The following MGST1 variants were observed in gnomAD, a reference collection of about 807,000 sequenced individuals.
The protein encoded by MGST1 is microsomal glutathione S-transferase 1.
Under a neutral mutation model 8.9 loss-of-function variants are expected in MGST1, and 5 were observed. The observed-to-expected ratio is 0.56, with a 90% CI of 0.29 to 1.19. The LOEUF is 1.19. Ranked by LOEUF, MGST1 falls within the 50% of genes most tolerant of loss-of-function variation. The pLI, the probability that MGST1 is intolerant of heterozygous loss-of-function variation, is 0.08. For missense variants in MGST1, 182 were observed against 187.4 expected (o/e 0.97, Z 0.17); for synonymous variants, 54 against 67.8 (o/e 0.80, Z 1.00).
chr12:16,518,326 G>A (rs1941627326), intron 4 of MGST1, among the ~76,000 whole-genome samples: 1 of 152,006 alleles, frequency 6.6e-6, no homozygotes, highest in South Asian at 2.1e-4. Flanking sequence ...TGATATGTAT[G>A]TGGCTTATTC....
chr12:16,557,215 T>C (rs117043987), intron 4 of MGST1, among the ~76,000 whole-genome samples: 1 of 152,248 alleles, frequency 6.6e-6, no homozygotes, highest in Non-Finnish European at 1.5e-5. Context: ...ATGGATAAAA[T>C]AGGTAACCCT....
intron 4 of MGST1, among the ~76,000 whole-genome samples, chr12:16,538,078 A>G (rs1445135635): frequency 6.6e-6 from 1 of 152,182 alleles, no homozygotes; most frequent in Non-Finnish European, 1.5e-5. Flanking sequence ...TTTTATCAGC[A>G]TCCAAGTCAC....
chr12:16,378,726 A>G (rs2137036412), downstream of MGST1, among the ~76,000 whole-genome samples: 1 of 149,444 alleles, frequency 6.7e-6, no homozygotes, highest in African/African-American at 2.5e-5. Context: ...GAATCTATAA[A>G]TTACCTTGGG....
chr12:16,503,336 T>C lies in MGST1; in HGVS notation n.483-86192T>C, dbSNP rs143500774. Among the ~76,000 whole-genome samples, 14 of 152,310 alleles carry C rather than the reference T, an allele frequency of 9.2e-5. No individual in the cohort carries two copies. The East Asian group carries it at 2.5e-3, about 27-fold the overall frequency. On this transcript the variant is annotated intron_variant and non_coding_transcript_variant, in intron 4 of 4. Coordinates refer to the MGST1 transcript ENST00000538857. This position sits in a 1 kb window ranked among gnomAD's most constrained non-coding sequence, Gnocchi z 4.8. ...CTCATTCTTAGCTTGGCTTCACTCA[T>C]AAATGTTATTTTTTCCTTTCTTTTA...
rs565180361 is a variant in MGST1 at position 16,514,742 on chromosome 12, T to G, written n.483-74786T>G. 5.3e-5 allele frequency among the ~76,000 whole-genome samples: 8 copies of G among 152,290 alleles called. 1 individual carries two copies. The South Asian group carries it at 1.7e-3, about 32-fold the overall frequency. ...CTGCTACTGGGAGCTTCACAGAGGA[T>G]GAGAGAGGGTGGATGGTAGTAAGTG... is the stretch of plus-strand genomic sequence containing the variant. On this transcript the variant is annotated intron_variant and non_coding_transcript_variant, in intron 4 of 4. Transcript: ENST00000538857.
At chr12:16,533,612 ACTG>A (rs968907100) in intron 4 of MGST1, among the ~76,000 whole-genome samples, 14 of 152,238 alleles carry the variant, frequency 9.2e-5, no homozygotes, top group African/African-American at 3.4e-4. Flanking sequence ...AGGATGGTAA[ACTG>A]CATTGTCCAA....
Position 16,364,125 on chromosome 12 carries a change from G to A in MGST1, c.*84G>A. 1.2e-5 allele frequency: 18 copies of A among 1,479,136 alleles called. No homozygotes were observed. The highest frequency in any genetic ancestry group is 1.6e-5 in the Non-Finnish European group (18 of 1,112,908). 91.6% of individuals were successfully genotyped at this position (1,479,136 alleles called of 1,614,324 possible). A position where few individuals can be genotyped will look rare whatever the true frequency, so the allele number is the denominator to read the frequency against. On this transcript the variant is annotated 3_prime_UTR_variant, in exon 4 of 4. Transcript: ENST00000396210. This position sits in a 1 kb window ranked among gnomAD's most constrained non-coding sequence, Gnocchi z 5.7. ...ATAATGAATACTTTCTTAGATTTTA[G>A]GTAGGAGGGGAGCAGAGGAATTATG...
chr12:16,369,739 T>A lies in MGST1; in HGVS notation c.222-6383T>A, dbSNP rs753928925. On this transcript the variant is annotated intron_variant, in intron 3 of 3. Coordinates refer to the MGST1 transcript ENST00000535309. This position sits in a 1 kb window ranked among gnomAD's most constrained non-coding sequence, Gnocchi z 4.8. ...CCAAAAATATTTACTCTCTGGTGTT[T>A]TACAGAAAGTTTTCTGATTCTTGCT... 1.3e-5 allele frequency: 2 copies of A among 152,236 alleles called. No individual in the cohort carries two copies. Among genetic ancestry groups the A allele is most frequent in the African/African-American group, 2.4e-5 (1 of 41,460 alleles). 9.4% of individuals were successfully genotyped at this position (152,236 alleles called of 1,614,324 possible). A position where few individuals can be genotyped will look rare whatever the true frequency, so the allele number is the denominator to read the frequency against.
At chr12:16,419,685 C>A (rs1225249414) in intron 1 of MGST1, among the ~76,000 whole-genome samples, 2 of 152,190 alleles carry the variant, frequency 1.3e-5, no homozygotes, top group African/African-American at 2.4e-5. Flanking sequence ...ATCTGAATAT[C>A]TTTCCAGTGA....
intron 4 of MGST1, among the ~76,000 whole-genome samples, chr12:16,532,754 C>T (rs1941730470): frequency 6.6e-6 from 1 of 152,086 alleles, no homozygotes; most frequent in Non-Finnish European, 1.5e-5. Context: ...TGCATACTAC[C>T]TTAGCATTTT....
In MGST1 at chr12:16,559,044, C is replaced by T. The variant is rs994074116; in HGVS notation, n.483-30484C>T. On this transcript the variant is annotated intron_variant and non_coding_transcript_variant, in intron 4 of 4. Coordinates refer to the MGST1 transcript ENST00000538857. The surrounding 1 kb of genome is among the most constrained non-coding windows in gnomAD (Gnocchi z 4.1). ...TCTCACTAGAAATGTCACATTCTTT[C>T]TACTATTCTACAGGGTCTCATAAGA... 6.6e-6 allele frequency among the ~76,000 whole-genome samples: 1 copy of T among 152,148 alleles called. No individual in the cohort carries two copies. The highest frequency in any genetic ancestry group is 1.5e-5 in the Non-Finnish European group (1 of 67,998).
At chr12:16,421,170 A>T (rs1426352227) in intron 1 of MGST1, among the ~76,000 whole-genome samples, 1 of 152,150 alleles carries the variant, frequency 6.6e-6, no homozygotes, top group Non-Finnish European at 1.5e-5. Flanking sequence ...GCTGCTGCAC[A>T]TATCCATTTA....
At chr12:16,493,283 T>G (rs1941450739) in intron 4 of MGST1, among the ~76,000 whole-genome samples, 1 of 152,176 alleles carries the variant, frequency 6.6e-6, no homozygotes, top group Non-Finnish European at 1.5e-5. Flanking sequence ...GACTTCAAAA[T>G]TGCATAAGCC....
intron 4 of MGST1, among the ~76,000 whole-genome samples, chr12:16,522,180 CG>C (rs1941652704): frequency 6.6e-6 from 1 of 152,020 alleles, no homozygotes; most frequent in South Asian, 2.1e-4. Flanking sequence ...TTCATCAGCT[CG>C]GGGATTGGAG....
At position 16,582,964 on chromosome 12, in the gene MGST1, T is replaced by C. The variant is rs1943207338; in HGVS notation, n.483-6564T>C. Among the ~76,000 whole-genome samples the C allele has an allele frequency of 6.6e-6, 1 of 151,218 alleles. No homozygotes were observed. The highest frequency in any genetic ancestry group is 6.6e-5 in the Admixed American group (1 of 15,132). ...CAGGAGGCTAATGCAGGAAAATCTCTTGAAGCTGGGAGGCAGAGGTTGTAG... is the reference window on the plus strand; with the variant it reads ...CAGGAGGCTAATGCAGGAAAATCTCCTGAAGCTGGGAGGCAGAGGTTGTAG... On this transcript the variant is annotated intron_variant and non_coding_transcript_variant, in intron 4 of 4. Transcript: ENST00000538857. This position sits in a 1 kb window ranked among gnomAD's most constrained non-coding sequence, Gnocchi z 4.1.
At chr12:16,507,716 G>A (rs970816684) in intron 4 of MGST1, among the ~76,000 whole-genome samples, 13 of 152,208 alleles carry the variant, frequency 8.5e-5, no homozygotes, top group South Asian at 6.2e-4. Flanking sequence ...AGAGAGAGAA[G>A]GGGGAAGTGC....
chr12:16,401,382 G>T lies in MGST1; in HGVS notation n.778+17778G>T. ...ATTCAATTCCCACCCCAAATCCTAG[G>T]TTTCTGGTAATTTTGTTCAGGAGTT... On this transcript the variant is annotated intron_variant and non_coding_transcript_variant, in intron 1 of 1. Coordinates refer to the MGST1 transcript ENST00000359720. The surrounding 1 kb of genome is among the most constrained non-coding windows in gnomAD (Gnocchi z 4.3). 1 of 1,131,600 alleles carries T rather than the reference G, an allele frequency of 8.8e-7. No individual in the cohort carries two copies. Among genetic ancestry groups the T allele is most frequent in the Non-Finnish European group, 1.3e-6 (1 of 745,456 alleles). The allele number at this position is 1,131,600 out of a possible 1,614,324, so 70.1% of individuals were successfully genotyped here. A position where few individuals can be genotyped will look rare whatever the true frequency, so the allele number is the denominator to read the frequency against.
At position 16,585,696 on chromosome 12, in the gene MGST1, G is replaced by A. The variant is rs1456199431; in HGVS notation, n.483-3832G>A. On this transcript the variant is annotated intron_variant and non_coding_transcript_variant, in intron 4 of 4. Transcript: ENST00000538857. This position sits in a 1 kb window ranked among gnomAD's most constrained non-coding sequence, Gnocchi z 4.7. ...ATGATGTCAAAACTAATCCTCAGGT[G>A]ATGTAAGCAGCTCCAAATATAATAA... 6.6e-6 allele frequency among the ~76,000 whole-genome samples: 1 copy of A among 152,134 alleles called. No individual in the cohort carries two copies. Among genetic ancestry groups the A allele is most frequent in the Non-Finnish European group, 1.5e-5 (1 of 68,026 alleles).
chr12:16,480,516 A>G (rs139646010), intron 4 of MGST1, among the ~76,000 whole-genome samples: 17 of 152,284 alleles, frequency 1.1e-4, no homozygotes, highest in African/African-American at 4.1e-4. Flanking sequence ...CAAAACACAT[A>G]TCTGATGAAG....
Sources: allele counts gnomAD v4.1 joint callset (sites outside exome capture counted in the v4.1 genomes callset), GRCh38; gene constraint gnomAD v4.1.1; non-coding constraint Gnocchi (gnomAD v3.1); transcripts MANE v1.5; gene names NCBI Gene and HGNC (gene_info 2026-07-23, HGNC 2026-07-21).